Variants in GSN observed in about 807,000 individuals in gnomAD.
GSN encodes gelsolin.
A neutral mutation model predicts 85.7 loss-of-function variants in GSN; 56 were observed. The ratio of observed to expected loss-of-function variants is 0.65; its 90% CI spans 0.53 to 0.82. The LOEUF (loss-of-function observed/expected upper bound fraction) is 0.82. Among genes scored for constraint, GSN ranks in the 40% least tolerant of loss-of-function variants. The pLI, the probability that GSN is intolerant of heterozygous loss-of-function variation, is 0.00. For synonymous variants in GSN, 373 were observed against 399.1 expected (o/e 0.93, Z 0.78); for missense variants, 857 against 979.8 (o/e 0.87, Z 1.67).
chr9:121,282,636 C>A, intron 2 of GSN: 1 of 604,088 alleles, frequency 1.7e-6, no homozygotes, highest in African/African-American at 1.9e-5. Flanking sequence ...AGAAAGCTGA[C>A]TCACCCCATC....
At chr9:121,303,157 C>T in intron 4 of GSN, 92 bp downstream of exon 4, 1 of 1,244,866 alleles carries the variant, frequency 8.0e-7, no homozygotes, top group Non-Finnish European at 1.2e-6. Flanking sequence ...CCTTGTGATG[C>T]AGTGGGCAGA....
intron 1 of GSN, among the ~76,000 whole-genome samples, chr9:121,274,342 C>T (rs577726757): frequency 4.9e-4 from 74 of 152,226 alleles, no homozygotes; most frequent in African/African-American, 1.8e-3. Flanking sequence ...ACCATGTTCC[C>T]TTAACAATCC....
intron 7 of GSN, among the ~76,000 whole-genome samples, chr9:121,316,850 A>G (rs796116196): frequency 9.2e-5 from 14 of 152,160 alleles, no homozygotes; most frequent in African/African-American, 3.4e-4. Context: ...AATTCCCCAA[A>G]TTTTATCCCG....
chr9:121,301,897 C>G (rs1466796013), intron 2 of GSN, 66 bp from the exon 3 acceptor site: 2 of 1,611,152 alleles, frequency 1.2e-6, no homozygotes, highest in African/African-American at 2.7e-5. Context: ...ACCGCCCTCC[C>G]TCATGCCTGG....
intron 4 of GSN, chr9:121,309,843 T>TTACTTAGTCACTCATAA (rs557901833): frequency 0.013 from 1,991 of 152,306 alleles, 19 homozygotes; most frequent in Middle Eastern, 0.034. Context: ...ATAACTGTAG[T>TTACTTAGTCACTCATAA]CTTAGCCACT....
intron 1 of GSN, among the ~76,000 whole-genome samples, chr9:121,278,224 T>C (rs1332677514): frequency 6.6e-6 from 1 of 152,164 alleles, no homozygotes. Flanking sequence ...CTTCACAAAA[T>C]GAGGACAAAG....
intron 1 of GSN, among the ~76,000 whole-genome samples, chr9:121,273,895 C>T (rs2056328424): frequency 6.6e-6 from 1 of 152,006 alleles, no homozygotes; most frequent in Admixed American, 6.6e-5. Flanking sequence ...CAAGATCACC[C>T]CCAAAGAACC....
At chr9:121,301,486 C>T (rs2059834264) in intron 2 of GSN, among the ~76,000 whole-genome samples, 1 of 152,070 alleles carries the variant, frequency 6.6e-6, no homozygotes, top group Non-Finnish European at 1.5e-5. Flanking sequence ...ATTAGCCAGG[C>T]ATAGTATCGC....
chr9:121,287,589 C>T (rs1455283365), intron 2 of GSN, among the ~76,000 whole-genome samples: 1 of 152,110 alleles, frequency 6.6e-6, no homozygotes, highest in Non-Finnish European at 1.5e-5. Context: ...GGCCTCAGAG[C>T]AGCTCGGCCT....
At position 121,318,532 on chromosome 9, in the gene GSN, G is replaced by T. The variant is rs564102248; in HGVS notation, c.975+38G>T. ...GGCCAGGTAGGATGGGAAGGGGTGGGTCCTGTTTGGAGGGGATGGGCTGGA... is the reference window on the plus strand; with the variant it reads ...GGCCAGGTAGGATGGGAAGGGGTGGTTCCTGTTTGGAGGGGATGGGCTGGA... On this transcript the variant is annotated intron_variant, in intron 9 of 17. Coordinates refer to ENST00000432226, the MANE Select transcript of GSN (RefSeq NM_198252.3). The surrounding 1 kb of genome is among the most constrained non-coding windows in gnomAD (Gnocchi z 4.3). The T allele has an allele frequency of 1.9e-6, 3 of 1,548,122 alleles. No individual in the cohort carries two copies. In the African/African-American group the frequency reaches 4.1e-5, roughly 21 times the overall value.
intron 12 of GSN, 51 bp downstream of exon 12, chr9:121,324,695 T>C (rs2062934266): frequency 3.5e-6 from 3 of 848,924 alleles, no homozygotes; most frequent in Non-Finnish European, 5.8e-6. Flanking sequence ...CTTGTCCTTC[T>C]CTTCACTCAT....
chr9:121,305,328 TA>T (rs1473326924), intron 4 of GSN, among the ~76,000 whole-genome samples: 2 of 152,236 alleles, frequency 1.3e-5, no homozygotes, highest in African/African-American at 4.8e-5. Flanking sequence ...TTCACACAGC[TA>T]GTAAAAGGTG....
intron 4 of GSN, chr9:121,222,262 T>C (rs1450056418): frequency 2.0e-5 from 3 of 152,164 alleles, no homozygotes; most frequent in Non-Finnish European, 4.4e-5. Flanking sequence ...CTCTAAGAAA[T>C]AGAAAGACAA....
upstream of GSN, among the ~76,000 whole-genome samples, chr9:121,266,546 C>T (rs2055214444): frequency 6.6e-6 from 1 of 152,172 alleles, no homozygotes. Flanking sequence ...GAAAGTGGAA[C>T]TGGGCAGAAT....
At chr9:121,289,744 G>A (rs575631698) in intron 2 of GSN, among the ~76,000 whole-genome samples, 1 of 152,316 alleles carries the variant, frequency 6.6e-6, no homozygotes, top group South Asian at 2.1e-4. Flanking sequence ...TGGTCTCCCG[G>A]AGGCAGGCAG....
At chr9:121,235,764 A>C (rs1054549520) in intron 5 of GSN, among the ~76,000 whole-genome samples, 5 of 152,184 alleles carry the variant, frequency 3.3e-5, no homozygotes, top group Non-Finnish European at 7.4e-5. Flanking sequence ...TCCCCTGGTG[A>C]GAATTCAGGC....
At chr9:121,294,615 C>A (rs1045183820) in intron 2 of GSN, among the ~76,000 whole-genome samples, 16 of 152,304 alleles carry the variant, frequency 1.1e-4, no homozygotes, top group Admixed American at 1.0e-3. Context: ...TTCAGCCAAG[C>A]CCCGCTGGCC....
intron 7 of GSN, among the ~76,000 whole-genome samples, 195 bp downstream of exon 7, chr9:121,314,218 C>T (rs541431112): frequency 6.6e-6 from 1 of 152,350 alleles, no homozygotes; most frequent in African/African-American, 2.4e-5. Flanking sequence ...CGATCAACTC[C>T]GTACATATCT....
At chr9:121,210,855 A>G (rs1026983278) in exon 4 of GSN, 37 of 152,370 alleles carry the variant, frequency 2.4e-4, no homozygotes, top group African/African-American at 8.9e-4. Context: ...AGTCTTTGCA[A>G]TTATACCACA....
Sources: allele counts gnomAD v4.1 joint callset (sites outside exome capture counted in the v4.1 genomes callset), GRCh38; gene constraint gnomAD v4.1.1; non-coding constraint Gnocchi (gnomAD v3.1); transcripts MANE v1.5; gene names NCBI Gene and HGNC (gene_info 2026-07-23, HGNC 2026-07-21).